The following PLA2G4A variants were observed in gnomAD, a reference collection of about 807,000 sequenced individuals.
The protein encoded by PLA2G4A is phospholipase A2 group IVA.
A neutral mutation model predicts 81.9 loss-of-function variants in PLA2G4A; 40 were observed. The ratio of observed to expected loss-of-function variants is 0.49; its 90% CI spans 0.38 to 0.64. PLA2G4A has a LOEUF of 0.64. PLA2G4A is among the 30% of genes least tolerant of loss of function. PLA2G4A has a pLI of 0.00. For missense variants in PLA2G4A, 715 were observed against 905.1 expected (o/e 0.79, Z 2.69); for synonymous variants, 302 against 296.9 (o/e 1.02, Z -0.18).
chr1:186,856,359 G>C (rs974067574), intron 2 of PLA2G4A, among the ~76,000 whole-genome samples: 2 of 149,030 alleles, frequency 1.3e-5, no homozygotes, highest in Admixed American at 6.7e-5. Flanking sequence ...AATTGTAAAA[G>C]TATTTGCAAA....
intron 7 of PLA2G4A, among the ~76,000 whole-genome samples, chr1:186,914,181 C>T (rs534827706): frequency 6.6e-6 from 1 of 152,176 alleles, no homozygotes; most frequent in South Asian, 2.1e-4. Flanking sequence ...CATCAAACTC[C>T]TGGGCTTAAG....
At chr1:186,899,264 C>A (rs1212214692) in intron 5 of PLA2G4A, among the ~76,000 whole-genome samples, 1 of 152,008 alleles carries the variant, frequency 6.6e-6, no homozygotes, top group East Asian at 1.9e-4. Context: ...GTTGGCCTGG[C>A]AAGATGAGTA....
intron 5 of PLA2G4A, among the ~76,000 whole-genome samples, chr1:186,900,780 G>C (rs1326569756): frequency 6.6e-6 from 1 of 152,112 alleles, no homozygotes; most frequent in African/African-American, 2.4e-5. Flanking sequence ...AGTTTGTTTT[G>C]GCCAATACTT....
At chr1:186,848,828 T>A (rs1652276433) in intron 1 of PLA2G4A, among the ~76,000 whole-genome samples, 1 of 152,060 alleles carries the variant, frequency 6.6e-6, no homozygotes, top group African/African-American at 2.4e-5. Context: ...CTTAAGCATA[T>A]TTCTTGCTTT....
intron 1 of PLA2G4A, among the ~76,000 whole-genome samples, chr1:186,845,842 G>T (rs961551101): frequency 1.3e-5 from 2 of 152,064 alleles, no homozygotes; most frequent in Non-Finnish European, 2.9e-5. Context: ...ACATTGCATC[G>T]GGAAGTATCT....
chr1:186,846,305 TATCCTGAA>T (rs1270528294), intron 1 of PLA2G4A, among the ~76,000 whole-genome samples: 9 of 152,246 alleles, frequency 5.9e-5, no homozygotes, highest in Admixed American at 1.3e-4. Flanking sequence ...TAGTGATTTT[TATCCTGAA>T]GGAAGTGATT....
chr1:186,829,686 T>C (rs1383104226), intron 1 of PLA2G4A, among the ~76,000 whole-genome samples: 3 of 152,114 alleles, frequency 2.0e-5, no homozygotes, highest in East Asian at 1.9e-4. Flanking sequence ...AATTACATAG[T>C]TAAATTTTGA....
intron 2 of PLA2G4A, among the ~76,000 whole-genome samples, chr1:186,856,610 T>C (rs1056169289): frequency 2.0e-5 from 3 of 152,076 alleles, no homozygotes; most frequent in Non-Finnish European, 4.4e-5. Flanking sequence ...CAGGCTGGTA[T>C]TGAACTCCTG....
At chr1:186,853,868 G>T (rs1652461038) in intron 1 of PLA2G4A, among the ~76,000 whole-genome samples, 1 of 151,830 alleles carries the variant, frequency 6.6e-6, no homozygotes, top group Non-Finnish European at 1.5e-5. Flanking sequence ...AATAGCTAAG[G>T]TGAAAATATC....
rs1358103649 is a variant in PLA2G4A at position 186,877,593 on chromosome 1, G to C, written c.115+7077G>C. 2.0e-5 allele frequency among the ~76,000 whole-genome samples: 3 copies of C among 149,652 alleles called. No homozygotes were observed. The East Asian group carries it at 5.9e-4, about 30-fold the overall frequency. On this transcript the variant is annotated intron_variant, in intron 3 of 17. Transcript: ENST00000367466. ...GTTAAACACTTTTCCGAAAACACTT[G>C]GGTATATTTCACTCCCTGTGCTCCC...
chr1:186,927,374 T>C (rs892134472), intron 7 of PLA2G4A, among the ~76,000 whole-genome samples: 5 of 152,204 alleles, frequency 3.3e-5, no homozygotes, highest in African/African-American at 1.2e-4. Context: ...GTTTTGATAG[T>C]TCAGAAGCCA....
At chr1:186,948,807 G>C (rs555162690) in intron 12 of PLA2G4A, among the ~76,000 whole-genome samples, 12 of 152,108 alleles carry the variant, frequency 7.9e-5, no homozygotes, top group East Asian at 3.9e-4. Context: ...GACTGAGGGG[G>C]AATATCGTGT....
At chr1:186,966,457 G>T (rs1657134129) in intron 15 of PLA2G4A, among the ~76,000 whole-genome samples, 1 of 152,132 alleles carries the variant, frequency 6.6e-6, no homozygotes, top group South Asian at 2.1e-4. Context: ...TTATCATTAG[G>T]TATGGAAAAA....
chr1:186,965,723 C>A, intron 15 of PLA2G4A, 130 bp downstream of exon 15: 1 of 749,432 alleles, frequency 1.3e-6, no homozygotes, highest in Non-Finnish European at 2.4e-6. Flanking sequence ...AGTAATAGTT[C>A]TAAAACGCAA....
chr1:186,957,733 G>T (rs1197508697), intron 14 of PLA2G4A, among the ~76,000 whole-genome samples: 1 of 152,228 alleles, frequency 6.6e-6, no homozygotes, highest in African/African-American at 2.4e-5. Context: ...CACTTAGCCA[G>T]ATCCTCAAGA....
intron 17 of PLA2G4A, among the ~76,000 whole-genome samples, chr1:186,979,742 T>G (rs1182464196): frequency 6.6e-6 from 1 of 152,040 alleles, no homozygotes; most frequent in Non-Finnish European, 1.5e-5. Flanking sequence ...ATTTATTATA[T>G]GATATAACAA....
In PLA2G4A at chr1:186,864,724, G is replaced by A. The variant is rs10911935; in HGVS notation, c.34-5711G>A. 4.7e-3 allele frequency among the ~76,000 whole-genome samples: 701 copies of A among 150,716 alleles called. 2 individuals are homozygous for A. Among genetic ancestry groups the A allele is most frequent in the African/African-American group, 0.016 (659 of 41,196 alleles). ...ATTCTGGATACCAGTCCCTATACTC[G>A]TGATTAAAAGAGGACTTAAAATCTT... On this transcript the variant is annotated intron_variant, in intron 2 of 17. Coordinates refer to ENST00000367466, the MANE Select transcript of PLA2G4A (RefSeq NM_024420.3).
intron 7 of PLA2G4A, among the ~76,000 whole-genome samples, chr1:186,924,413 C>T: frequency 6.6e-6 from 1 of 152,262 alleles, no homozygotes; most frequent in East Asian, 1.9e-4. Flanking sequence ...ACAGATGTCT[C>T]CTTACATTTT....
At chr1:186,876,365 G>C (rs1208811120) in intron 3 of PLA2G4A, among the ~76,000 whole-genome samples, 8 of 152,002 alleles carry the variant, frequency 5.3e-5, no homozygotes, top group Admixed American at 5.3e-4. Flanking sequence ...CCGTGTAAGG[G>C]TGTGGATAGT....
Sources: allele counts gnomAD v4.1 joint callset (sites outside exome capture counted in the v4.1 genomes callset), GRCh38; gene constraint gnomAD v4.1.1; transcripts MANE v1.5; gene names NCBI Gene and HGNC (gene_info 2026-07-23, HGNC 2026-07-21).